Variants in SYTL5 observed in about 807,000 individuals in gnomAD.
The protein encoded by SYTL5 is synaptotagmin-like protein 5.
SYTL5 carries 34 observed loss-of-function variants against 55.9 expected under a neutral mutation model. The ratio of observed to expected loss-of-function variants is 0.61; its 90% CI spans 0.46 to 0.81. The LOEUF (loss-of-function observed/expected upper bound fraction) is 0.81, where lower values mean the gene tolerates loss of function less well. SYTL5 is among the 30% of genes least tolerant of loss of function. The pLI, the probability that SYTL5 is intolerant of heterozygous loss-of-function variation, is 0.00. For missense variants in SYTL5, 637 were observed against 546.7 expected (o/e 1.17, Z -1.65); for synonymous variants, 221 against 188.7 (o/e 1.17, Z -1.40).
At chrX:37,970,584 CAA>C in the SYTL5 span, among the ~76,000 whole-genome samples, 4 of 111,172 alleles carry the variant, frequency 3.6e-5, no homozygotes, top group East Asian at 2.8e-4. Context: ...TAAATTATGA[CAA>C]GTTTGTTTAA....
chrX:38,020,840 CA>C (rs1219391939), intron 1 of SYTL5, among the ~76,000 whole-genome samples: 1 of 111,346 alleles, frequency 9.0e-6, no homozygotes, highest in Non-Finnish European at 1.9e-5. Context: ...TTTTAATATT[CA>C]AATGATATAT....
chrX:38,002,985 G>A (rs1341967657), upstream of SYTL5, among the ~76,000 whole-genome samples: 118 of 111,520 alleles, frequency 1.1e-3, no homozygotes, highest in African/African-American at 3.7e-3. Context: ...TTCTTCTAGG[G>A]TTTTTATGGT....
chrX:37,930,026 C>T, the SYTL5 span, among the ~76,000 whole-genome samples: 1 of 111,051 alleles, frequency 9.0e-6, no homozygotes, highest in Non-Finnish European at 1.9e-5. Flanking sequence ...AAGACCAATC[C>T]CTCTCAAAAA....
the SYTL5 span, among the ~76,000 whole-genome samples, chrX:37,918,730 G>A: frequency 9.0e-6 from 1 of 111,030 alleles, no homozygotes; most frequent in East Asian, 2.8e-4. Context: ...CTGCCTCATG[G>A]TGCTCAGCAT....
chrX:37,982,620 A>G, the SYTL5 span, among the ~76,000 whole-genome samples: 4 of 111,947 alleles, frequency 3.6e-5, no homozygotes, highest in Admixed American at 1.9e-4. Context: ...TGTATGTCAT[A>G]CATGTAGTAT....
intron 1 of SYTL5, among the ~76,000 whole-genome samples, chrX:38,032,613 T>C (rs775017673): frequency 8.1e-5 from 9 of 111,699 alleles, no homozygotes; most frequent in Non-Finnish European, 1.7e-4. Flanking sequence ...CTAATTTGCC[T>C]ATATTTATAC....
intron 13 of SYTL5, among the ~76,000 whole-genome samples, chrX:38,114,453 A>G (rs976542460): frequency 5.3e-5 from 6 of 112,277 alleles, no homozygotes; most frequent in Non-Finnish European, 1.1e-4. Flanking sequence ...CTCTTGCCCC[A>G]GAAATTACAA....
chrX:38,033,744 G>A lies in SYTL5; in HGVS notation c.-146G>A, dbSNP rs1935027150. Reference sequence around the variant, plus strand: ...CTGAAAGAATACTTAACTACCATACGCAATTCTGCAGAGACCTTGTAAAAA... The same window carrying A: ...CTGAAAGAATACTTAACTACCATACACAATTCTGCAGAGACCTTGTAAAAA... On this transcript the variant is annotated 5_prime_UTR_variant, in exon 2 of 17. Coordinates refer to ENST00000297875, the MANE Select transcript of SYTL5 (RefSeq NM_138780.3). The A allele has an allele frequency of 2.2e-5, 8 of 363,441 alleles. No homozygotes were observed. The highest frequency in any genetic ancestry group is 4.4e-5 in the Admixed American group (1 of 22,736). 30.0% of individuals were successfully genotyped at this position (363,441 alleles called of 1,213,427 possible). A position where few individuals can be genotyped will look rare whatever the true frequency, so the allele number is the denominator to read the frequency against.
intron 1 of SYTL5, among the ~76,000 whole-genome samples, chrX:38,012,133 CAG>C (rs1408606458): frequency 8.9e-6 from 1 of 111,856 alleles, no homozygotes; most frequent in Non-Finnish European, 1.9e-5. Flanking sequence ...AACAGAATGC[CAG>C]GAAACACTCT....
At chrX:37,927,704 AG>A in the SYTL5 span, among the ~76,000 whole-genome samples, 5 of 111,130 alleles carry the variant, frequency 4.5e-5, no homozygotes, top group Non-Finnish European at 9.4e-5. Context: ...TTAACCCAGG[AG>A]GTGGAGGTTG....
intron 1 of SYTL5, among the ~76,000 whole-genome samples, chrX:38,027,397 C>T (rs760189077): frequency 7.5e-4 from 84 of 111,508 alleles, no homozygotes; most frequent in Non-Finnish European, 1.3e-3. Context: ...CATATTTTTA[C>T]ATTACACAGC....
chrX:38,093,483 C>T (rs1315112833), intron 7 of SYTL5, among the ~76,000 whole-genome samples: 1 of 111,649 alleles, frequency 9.0e-6, no homozygotes, highest in East Asian at 2.8e-4. Flanking sequence ...GTTGTTTTAA[C>T]ACTCAAGAAA....
chrX:38,114,386 G>C (rs993106421), intron 13 of SYTL5, among the ~76,000 whole-genome samples: 3 of 111,554 alleles, frequency 2.7e-5, no homozygotes, highest in Admixed American at 1.9e-4. Context: ...CTTTTTACTT[G>C]TGTTGGAATA....
At chrX:38,019,599 A>T (rs960628786) in intron 1 of SYTL5, among the ~76,000 whole-genome samples, 35 of 111,652 alleles carry the variant, frequency 3.1e-4, no homozygotes, top group African/African-American at 1.1e-3. Context: ...TATCCCCTAG[A>T]TCCAGCACAG....
the SYTL5 span, among the ~76,000 whole-genome samples, chrX:37,915,672 T>C: frequency 8.9e-6 from 1 of 111,978 alleles, no homozygotes; most frequent in Non-Finnish European, 1.9e-5. Context: ...AATACTACTG[T>C]GGTTTGTTGC....
At chrX:37,907,084 A>G in the SYTL5 span, among the ~76,000 whole-genome samples, 1 of 112,396 alleles carries the variant, frequency 8.9e-6, no homozygotes, top group Non-Finnish European at 1.9e-5. Context: ...CCCAGAATGC[A>G]TGAATTTGTG....
At chrX:38,020,348 G>A (rs1329494099) in intron 1 of SYTL5, among the ~76,000 whole-genome samples, 4 of 100,034 alleles carry the variant, frequency 4.0e-5, no homozygotes, top group Non-Finnish European at 6.0e-5. Context: ...TCCAGAAATA[G>A]ACTTAATATT....
the SYTL5 span, among the ~76,000 whole-genome samples, chrX:37,928,938 T>C: frequency 8.9e-6 from 1 of 112,393 alleles, no homozygotes; most frequent in South Asian, 3.7e-4. Context: ...TCATATGTGC[T>C]TTAGAATATT....
chrX:37,987,053 T>C, the SYTL5 span, among the ~76,000 whole-genome samples: 1 of 111,306 alleles, frequency 9.0e-6, no homozygotes, highest in Non-Finnish European at 1.9e-5. Flanking sequence ...AATACTTTAC[T>C]AGTCTGGGGA....
Sources: allele counts gnomAD v4.1 joint callset (sites outside exome capture counted in the v4.1 genomes callset), GRCh38; gene constraint gnomAD v4.1.1; transcripts MANE v1.5; gene names NCBI Gene and HGNC (gene_info 2026-07-23, HGNC 2026-07-21).